Variants in KDM4C observed in about 807,000 individuals in gnomAD.
KDM4C encodes lysine demethylase 4C.
In KDM4C, 81 loss-of-function variants were observed where a neutral mutation model predicts 129.3. The ratio of observed to expected loss-of-function variants is 0.63; its 90% confidence interval spans 0.52 to 0.75. The LOEUF is 0.75. Among genes scored for constraint, KDM4C ranks in the 30% least tolerant of loss-of-function variants. The pLI is 0.00. For synonymous variants in KDM4C, 573 were observed against 456.1 expected (o/e 1.26, Z -3.26); for missense variants, 1,457 against 1,304.0 (o/e 1.12, Z -1.81).
chr9:7,082,835 G>T (rs955596069), intron 17 of KDM4C, among the ~76,000 whole-genome samples: 11 of 152,092 alleles, frequency 7.2e-5, no homozygotes, highest in Admixed American at 5.2e-4. Context: ...TTGTTCAGTA[G>T]AATTAATAAT....
chr9:6,732,414 A>G (rs1817380032), intron 1 of KDM4C, among the ~76,000 whole-genome samples: 1 of 137,174 alleles, frequency 7.3e-6, no homozygotes, highest in African/African-American at 2.7e-5. Flanking sequence ...ATGAGGCCGG[A>G]AGTTGTGGCT....
rs568177700 is a variant in KDM4C at position 6,865,078 on chromosome 9, G to T, written c.630-14934G>T. Among the ~76,000 whole-genome samples the T allele has an allele frequency of 1.4e-4, 20 of 142,326 alleles. No individual in the cohort carries two copies. The Admixed American group carries it at 1.4e-3, about 10-fold the overall frequency. 93.4% of individuals were successfully genotyped at this position (142,326 alleles called of 152,430 possible). On this transcript the variant is annotated intron_variant, in intron 5 of 21. Coordinates refer to ENST00000381309, the MANE Select transcript of KDM4C (RefSeq NM_015061.6). ...AGCTGGAGTGCAGTGACGCGATCTC[G>T]GCTCACTGCAAGCTCTGCCTCCCGG... is the stretch of plus-strand genomic sequence containing the variant.
At chr9:6,870,329 T>A (rs1842658997) in intron 5 of KDM4C, among the ~76,000 whole-genome samples, 1 of 152,062 alleles carries the variant, frequency 6.6e-6, no homozygotes, top group Non-Finnish European at 1.5e-5. Context: ...GACATCTTCA[T>A]AGTGATTGTT....
At chr9:7,092,396 C>G (rs1432929526) in intron 17 of KDM4C, among the ~76,000 whole-genome samples, 1 of 152,112 alleles carries the variant, frequency 6.6e-6, no homozygotes, top group Admixed American at 6.5e-5. Flanking sequence ...TCATGAACCG[C>G]AAGTGTTACC....
chr9:6,855,900 T>G (rs1839724563), intron 5 of KDM4C, among the ~76,000 whole-genome samples: 1 of 152,200 alleles, frequency 6.6e-6, no homozygotes, highest in South Asian at 2.1e-4. Context: ...TCATTTATTA[T>G]GTGGTTTAAA....
At chr9:7,111,245 C>T (rs1587696937) in intron 18 of KDM4C, among the ~76,000 whole-genome samples, 2 of 152,218 alleles carry the variant, frequency 1.3e-5, no homozygotes, top group Admixed American at 1.3e-4. Flanking sequence ...ATAGGTTGAG[C>T]ATCCAAATCC....
At chr9:7,040,946 T>C (rs1291393977) in intron 15 of KDM4C, among the ~76,000 whole-genome samples, 1 of 152,030 alleles carries the variant, frequency 6.6e-6, no homozygotes, top group Non-Finnish European at 1.5e-5. Context: ...GAAAATTTTC[T>C]GTCAATATCT....
intron 15 of KDM4C, among the ~76,000 whole-genome samples, chr9:7,021,833 A>G (rs1773447823): frequency 6.6e-6 from 1 of 152,164 alleles, no homozygotes; most frequent in Non-Finnish European, 1.5e-5. Context: ...ATTTTTGTAT[A>G]TGGGAAGAGA....
intron 17 of KDM4C, among the ~76,000 whole-genome samples, chr9:7,102,979 G>A (rs571941784): frequency 4.3e-4 from 65 of 152,146 alleles, no homozygotes; most frequent in Non-Finnish European, 7.9e-4. Flanking sequence ...TTTACTTTTC[G>A]AATTGTGGTA....
chr9:7,092,586 A>C (rs1382534217), intron 17 of KDM4C, among the ~76,000 whole-genome samples: 1 of 152,206 alleles, frequency 6.6e-6, no homozygotes, highest in East Asian at 1.9e-4. Context: ...AGCTACACTT[A>C]GAGGCACTTT....
intron 3 of KDM4C, among the ~76,000 whole-genome samples, chr9:6,807,695 C>T (rs1164574788): frequency 3.2e-4 from 47 of 148,244 alleles, no homozygotes; most frequent in African/African-American, 1.0e-3. Flanking sequence ...GCAGCTGCCC[C>T]GTCTGAGAAG....
At chr9:6,841,833 C>T (rs1002539640) in intron 4 of KDM4C, among the ~76,000 whole-genome samples, 1 of 152,210 alleles carries the variant, frequency 6.6e-6, no homozygotes, top group Admixed American at 6.5e-5. Context: ...TTCTAGCAGA[C>T]CTTCCCTGCC....
Position 6,984,357 on chromosome 9 carries a change from G to A in KDM4C, c.1307G>A (p.Ser436Asn). 1.1e-5 allele frequency: 17 copies of A among 1,613,892 alleles called. No individual in the cohort carries two copies. Among genetic ancestry groups the A allele is most frequent in the Non-Finnish European group, 1.4e-5 (16 of 1,179,802 alleles). The change falls in exon 10 of 22, where the codon AGC (serine) becomes AAC (asparagine). Residue 436 changes from serine to asparagine, a missense_variant. Coordinates refer to ENST00000381309, the MANE Select transcript of KDM4C (RefSeq NM_015061.6). ...EASSEEESSASRMQVEQNLSD... is the reference protein window; with the variant it reads ...EASSEEESSANRMQVEQNLSD... ...TCTTCAGAAGAAGAGTCATCTGCTA[G>A]CAGGATGCAGGTGGAGCAGAATTTA...
intron 18 of KDM4C, among the ~76,000 whole-genome samples, chr9:7,118,528 A>C (rs928660152): frequency 6.6e-6 from 1 of 152,206 alleles, no homozygotes; most frequent in Non-Finnish European, 1.5e-5. Flanking sequence ...ATTTATTGCA[A>C]TCCTTGTAGA....
intron 17 of KDM4C, chr9:7,076,567 C>T (rs1178622646): frequency 4.0e-6 from 6 of 1,516,142 alleles, no homozygotes; most frequent in Middle Eastern, 1.7e-4. Flanking sequence ...TCTCATTCTC[C>T]ATGGGAGCAG....
intron 1 of KDM4C, among the ~76,000 whole-genome samples, chr9:6,768,338 T>A (rs922447830): frequency 3.8e-5 from 4 of 105,542 alleles, no homozygotes; most frequent in African/African-American, 1.7e-4. Context: ...CTGAACAGGA[T>A]TTTTTTTTTT....
intron 15 of KDM4C, among the ~76,000 whole-genome samples, chr9:7,043,859 G>A (rs929014600): frequency 6.6e-6 from 1 of 151,960 alleles, no homozygotes; most frequent in African/African-American, 2.4e-5. Flanking sequence ...ACTTTACTTA[G>A]AAAGTCCCAG....
In KDM4C at chr9:7,175,588, C is replaced by G. The variant is rs1384925574; in HGVS notation, c.*859C>G. The G allele has an allele frequency of 2.0e-5, 3 of 152,300 alleles. No individual in the cohort carries two copies. Among genetic ancestry groups the G allele is most frequent in the Non-Finnish European group, 2.9e-5 (2 of 67,974 alleles). 9.4% of individuals were successfully genotyped at this position (152,300 alleles called of 1,614,324 possible). ...TTTGAACTAATGTAACATGATTTTT[C>G]TTTTTTAAAACAGCCTGAAAATGTA... On this transcript the variant is annotated 3_prime_UTR_variant, in exon 22 of 22. Coordinates refer to ENST00000381309, the MANE Select transcript of KDM4C (RefSeq NM_015061.6).
At chr9:7,077,036 A>G (rs1834006227) in intron 17 of KDM4C, 6 of 985,378 alleles carry the variant, frequency 6.1e-6, no homozygotes, top group African/African-American at 1.7e-5. Flanking sequence ...CTGCACAACA[A>G]AGCAACTGAA....
Sources: allele counts gnomAD v4.1 joint callset (sites outside exome capture counted in the v4.1 genomes callset), GRCh38; gene constraint gnomAD v4.1.1; transcripts MANE v1.5; gene names NCBI Gene and HGNC (gene_info 2026-07-23, HGNC 2026-07-21).